CEP126: variants seen among roughly 807,000 people sequenced by gnomAD.
CEP126 encodes centrosomal protein of 126 kDa.
A neutral mutation model predicts 107.8 loss-of-function variants in CEP126; 74 were observed. The ratio of observed to expected loss-of-function variants is 0.69; its 90% CI spans 0.57 to 0.83. The LOEUF (loss-of-function observed/expected upper bound fraction) is 0.83. Ranked by LOEUF, CEP126 falls within the 40% of genes least tolerant of loss-of-function variation. The pLI is 0.00. For synonymous variants in CEP126, 449 were observed against 446.0 expected, an observed-to-expected ratio of 1.01 and a Z score of -0.08; for missense variants, 1,237 against 1,281.9, an observed-to-expected ratio of 0.96 and a Z score of 0.53.
At position 101,944,232 on chromosome 11, in the gene CEP126, A is replaced by G. The variant is rs373036170; in HGVS notation, c.249-33A>G. On this transcript the variant is annotated intron_variant, in intron 2 of 10. Transcript: ENST00000263468. ...AAACTATTTTCTAAACTTACCACCT[A>G]TTTCTGTTGCCTACTTTGTGTTTTA... 8.6e-6 allele frequency: 13 copies of G among 1,516,244 alleles called. No individual in the cohort carries two copies. The African/African-American group carries it at 1.6e-4, about 19-fold the overall frequency. The allele number at this position is 1,516,244 out of a possible 1,614,324, so 93.9% of individuals were successfully genotyped here.
rs140184758 is a variant in CEP126 at position 101,917,028 on chromosome 11, A to ATTGTG, written c.128+1617_128+1618insTGTGT. Among the ~76,000 whole-genome samples, 68 of 136,052 alleles carry ATTGTG rather than the reference A, an allele frequency of 5.0e-4. 1 individual carries two copies. Among genetic ancestry groups the ATTGTG allele is most frequent in the African/African-American group, 1.5e-3 (56 of 36,850 alleles). 89.3% of individuals were successfully genotyped at this position (136,052 alleles called of 152,430 possible). ...CAATAGACTTTGATAAAATCCAACA[A>ATTGTG]TGTGTGTGTGTGTGTGTGTGTGTGT... On this transcript the variant is annotated intron_variant, in intron 1 of 10. Transcript: ENST00000263468.
intron 1 of CEP126, among the ~76,000 whole-genome samples, chr11:101,921,755 CT>C (rs140101312): frequency 1 from 106,765 of 106,782 alleles, 53,374 homozygotes; most frequent in Middle Eastern, 1. Context: ...ATACAGTCCT[CT>C]TTATCTGAAG....
chr11:101,972,204 A>ATCACGAGG (rs1235100628), intron 6 of CEP126, among the ~76,000 whole-genome samples: 1 of 151,708 alleles, frequency 6.6e-6, no homozygotes, highest in African/African-American at 2.4e-5. Context: ...AGGCGGGCGG[A>ATCACGAGG]TCACGAGGTC....
At chr11:101,979,700 T>G (rs1941233523) in intron 7 of CEP126, among the ~76,000 whole-genome samples, 1 of 152,172 alleles carries the variant, frequency 6.6e-6, no homozygotes, top group Admixed American at 6.5e-5. Flanking sequence ...ACTGTGCCAC[T>G]GTACTCCAGC....
intron 5 of CEP126, among the ~76,000 whole-genome samples, chr11:101,960,380 T>G (rs1206009391): frequency 1.3e-5 from 2 of 152,216 alleles, no homozygotes; most frequent in Non-Finnish European, 2.9e-5. Flanking sequence ...TAGAAGGATC[T>G]TCTAACGCAA....
rs1941493507 is a variant in CEP126, at chr11:102,000,356, CA to C, written c.*2714del. 6.6e-6 allele frequency: 1 copy of C among 152,052 alleles called. No individual in the cohort carries two copies. 9.4% of individuals were successfully genotyped at this position (152,052 alleles called of 1,614,324 possible). A position where few individuals can be genotyped will look rare whatever the true frequency, so the allele number is the denominator to read the frequency against. ...GAAATCAAACAAGCATCACTTTCCT[CA>C]GTGGAAAAACTTATGAAACTTCTTA... On this transcript the variant is annotated 3_prime_UTR_variant, in exon 11 of 11. Coordinates refer to ENST00000263468, the MANE Select transcript of CEP126 (RefSeq NM_020802.4).
At position 101,915,100 on chromosome 11, in the gene CEP126, A is replaced by G. The variant is rs974110709; in HGVS notation, c.-185A>G. 4 of 835,290 alleles carry G rather than the reference A, an allele frequency of 4.8e-6. No individual in the cohort carries two copies. Among genetic ancestry groups the G allele is most frequent in the African/African-American group, 1.7e-5 (1 of 57,582 alleles). The allele number at this position is 835,290 out of a possible 1,614,324, so 51.7% of individuals were successfully genotyped here. ...CGAGGTCGCCGCTGCCTCAGCTGCCATCGCCGCTACAGGCACCAGTGCCGC... is the reference window on the plus strand; with the variant it reads ...CGAGGTCGCCGCTGCCTCAGCTGCCGTCGCCGCTACAGGCACCAGTGCCGC... On this transcript the variant is annotated 5_prime_UTR_variant, in exon 1 of 11. Coordinates refer to ENST00000263468, the MANE Select transcript of CEP126 (RefSeq NM_020802.4).
chr11:101,957,582 C>T (rs573970501), intron 4 of CEP126, among the ~76,000 whole-genome samples: 1 of 147,800 alleles, frequency 6.8e-6, no homozygotes, highest in Admixed American at 6.9e-5. Context: ...TGCTTATATT[C>T]CTGTTTATAT....
rs750702834 is a variant in CEP126 at position 101,978,466 on chromosome 11, A to G, written c.2958+7A>G. 9.2e-6 allele frequency: 14 copies of G among 1,521,304 alleles called. No homozygotes were observed. The highest frequency in any genetic ancestry group is 3.4e-5 in the Admixed American group (2 of 58,568). The allele number at this position is 1,521,304 out of a possible 1,614,324, so 94.2% of individuals were successfully genotyped here. A position where few individuals can be genotyped will look rare whatever the true frequency, so the allele number is the denominator to read the frequency against. The stretch of plus-strand genomic sequence containing the variant: ...GTACAGTGAGCAAATTAATGTAAGT[A>G]TGGTATTAATCAAAATCTCTATTCA... On this transcript the variant is annotated splice_region_variant and intron_variant, in intron 7 of 10. Coordinates refer to ENST00000263468, the MANE Select transcript of CEP126 (RefSeq NM_020802.4).
chr11:101,942,766 C>G (rs1033366976), intron 2 of CEP126, among the ~76,000 whole-genome samples: 3 of 151,764 alleles, frequency 2.0e-5, no homozygotes, highest in African/African-American at 7.3e-5. Context: ...TAGGTCTTTA[C>G]ATTTATTTGC....
chr11:101,948,633 A>G (rs924848445), intron 4 of CEP126, among the ~76,000 whole-genome samples: 3 of 152,136 alleles, frequency 2.0e-5, no homozygotes, highest in African/African-American at 7.2e-5. Flanking sequence ...GGATGGACCA[A>G]TCAACCACTG....
chr11:101,997,748 C>G lies in CEP126; in HGVS notation c.*105C>G. 6.6e-7 allele frequency: 1 copy of G among 1,506,006 alleles called. No homozygotes were observed. The highest frequency in any genetic ancestry group is 9.1e-7 in the Non-Finnish European group (1 of 1,098,018). The allele number at this position is 1,506,006 out of a possible 1,614,324, so 93.3% of individuals were successfully genotyped here. A position where few individuals can be genotyped will look rare whatever the true frequency, so the allele number is the denominator to read the frequency against. On this transcript the variant is annotated 3_prime_UTR_variant, in exon 11 of 11. Transcript: ENST00000263468. The stretch of plus-strand genomic sequence containing the variant: ...TAGGAAAACATGTGAGCAACAACCC[C>G]CATGAACATTTGTCCTAACTCAGAT...
At chr11:101,922,982 T>G (rs1711897884) in intron 2 of CEP126, among the ~76,000 whole-genome samples, 1 of 152,224 alleles carries the variant, frequency 6.6e-6, no homozygotes, top group African/African-American at 2.4e-5. Flanking sequence ...AGTCTTTTTT[T>G]GTCATAGAAC....
At chr11:101,942,563 G>GTTT (rs35795661) in intron 2 of CEP126, among the ~76,000 whole-genome samples, 2 of 140,052 alleles carry the variant, frequency 1.4e-5, no homozygotes, top group Admixed American at 7.2e-5. Context: ...GTTTGGGGTG[G>GTTT]TTTTTTTTTT....
chr11:101,915,257 G>C lies in CEP126; in HGVS notation c.-28G>C, dbSNP rs951445862. 1 of 1,612,218 alleles carries C rather than the reference G, an allele frequency of 6.2e-7. No individual in the cohort carries two copies. The highest frequency in any genetic ancestry group is 8.5e-7 in the Non-Finnish European group (1 of 1,179,390). ...CTGCCATGAGGGAGGTTCTGGGGGCGAGCAGACAGGCGGCGCTGAAGTGAA... is the reference window on the plus strand; with the variant it reads ...CTGCCATGAGGGAGGTTCTGGGGGCCAGCAGACAGGCGGCGCTGAAGTGAA... On this transcript the variant is annotated 5_prime_UTR_variant, in exon 1 of 11. Coordinates refer to ENST00000263468, the MANE Select transcript of CEP126 (RefSeq NM_020802.4).
chr11:101,976,266 G>T (rs145566919), intron 6 of CEP126, among the ~76,000 whole-genome samples: 1 of 152,252 alleles, frequency 6.6e-6, no homozygotes, highest in Non-Finnish European at 1.5e-5. Context: ...TTTAGTAATA[G>T]CCATTCGGGC....
intron 2 of CEP126, among the ~76,000 whole-genome samples, chr11:101,926,941 G>T (rs1490945964): frequency 6.6e-6 from 1 of 152,144 alleles, no homozygotes; most frequent in Non-Finnish European, 1.5e-5. Flanking sequence ...TAAGTAGCCT[G>T]TAACAGTTAA....
chr11:101,963,970 T>C lies in CEP126; in HGVS notation c.2845+90T>C, dbSNP rs1284322878. 4 of 788,870 alleles carry C rather than the reference T, an allele frequency of 5.1e-6. No homozygotes were observed. In the African/African-American group the frequency reaches 5.3e-5, roughly 10 times the overall value. The allele number at this position is 788,870 out of a possible 1,614,324, so 48.9% of individuals were successfully genotyped here. ...GTTCCTATTTATGTATGGCCATACA[T>C]ACTACATAAATATTAATATTAAACA... On this transcript the variant is annotated intron_variant, in intron 6 of 10. Transcript: ENST00000263468.
intron 4 of CEP126, among the ~76,000 whole-genome samples, chr11:101,948,550 G>T (rs1318471244): frequency 6.6e-6 from 1 of 152,060 alleles, no homozygotes. Flanking sequence ...ATCTCTCCTG[G>T]ATGTCTTGAA....
Sources: gnomAD v4.1 joint callset for allele counts (sites outside exome capture counted in the v4.1 genomes callset) on GRCh38, gnomAD v4.1.1 for gene constraint, MANE v1.5 for transcripts, NCBI Gene and HGNC (gene_info 2026-07-23, HGNC 2026-07-21) for gene names.